The following PACRG variants were observed in gnomAD, a reference collection of about 807,000 sequenced individuals.
PACRG encodes the protein parkin coregulated.
A neutral mutation model predicts 29.7 loss-of-function variants in PACRG; 29 were observed. The ratio of observed to expected loss-of-function variants is 0.98; its 90% CI spans 0.73 to 1.33. PACRG has a LOEUF of 1.33. PACRG is among the 40% of genes most tolerant of loss of function. The probability of loss-of-function intolerance (pLI) is 0.00; values close to 1 mark genes in which losing one functional copy is unlikely to be tolerated. For synonymous variants in PACRG, 116 were observed against 118.7 expected (o/e 0.98, Z 0.15); for missense variants, 279 against 316.2 (o/e 0.88, Z 0.89).
At chr6:162,805,520 C>A (rs893687411) in intron 1 of PACRG, among the ~76,000 whole-genome samples, 1 of 152,074 alleles carries the variant, frequency 6.6e-6, no homozygotes, top group African/African-American at 2.4e-5. Context: ...TAAAATAAGA[C>A]AACAATGAAA....
rs868524303 is a variant in PACRG at position 162,787,594 on chromosome 6, A to G, written c.157-26553A>G. On this transcript the variant is annotated intron_variant, in intron 1 of 4. Coordinates refer to ENST00000366888, the MANE Select transcript of PACRG (RefSeq NM_001080379.2). The stretch of plus-strand genomic sequence containing the variant: ...TGTGTGTGTGTGTGTATATATATAT[A>G]TATATATATATATATATATATATAT... 4.8e-3 allele frequency among the ~76,000 whole-genome samples: 637 copies of G among 133,806 alleles called. 4 individuals carry two copies. Among genetic ancestry groups the G allele is most frequent in the Middle Eastern group, 0.011 (3 of 266 alleles). 87.8% of individuals were successfully genotyped at this position (133,806 alleles called of 152,430 possible).
At chr6:163,058,956 G>A (rs1329410255) in intron 2 of PACRG, among the ~76,000 whole-genome samples, 2 of 151,918 alleles carry the variant, frequency 1.3e-5, no homozygotes, top group South Asian at 4.2e-4. Flanking sequence ...GTGCGTGCCT[G>A]TAATCCCAGC....
At chr6:163,220,215 T>TG in intron 4 of PACRG, among the ~76,000 whole-genome samples, 1 of 148,904 alleles carries the variant, frequency 6.7e-6, no homozygotes, top group Non-Finnish European at 1.5e-5. Context: ...AGGGCGGGGG[T>TG]GGGGGAGTGC....
intron 2 of PACRG, among the ~76,000 whole-genome samples, chr6:163,052,487 C>T (rs948990275): frequency 6.6e-6 from 1 of 152,034 alleles, no homozygotes; most frequent in African/African-American, 2.4e-5. Flanking sequence ...GTGCCCCCAC[C>T]CAAATCTCAT....
At chr6:163,205,143 A>C (rs1366773807) in intron 4 of PACRG, among the ~76,000 whole-genome samples, 1 of 152,254 alleles carries the variant, frequency 6.6e-6, no homozygotes, top group East Asian at 1.9e-4. Flanking sequence ...CATACTGCCC[A>C]AAGCAATTTA....
intron 2 of PACRG, among the ~76,000 whole-genome samples, chr6:162,844,213 A>T (rs1584517305): frequency 6.6e-6 from 1 of 151,612 alleles, no homozygotes; most frequent in African/African-American, 2.4e-5. Flanking sequence ...GCCGCCTTGC[A>T]GTTTGATCTC....
intron 2 of PACRG, among the ~76,000 whole-genome samples, chr6:163,054,682 C>A (rs892601878): frequency 1.3e-5 from 2 of 152,146 alleles, no homozygotes; most frequent in Non-Finnish European, 2.9e-5. Flanking sequence ...GAAACAGGGA[C>A]TCTCGCTAAG....
intron 4 of PACRG, among the ~76,000 whole-genome samples, chr6:163,249,968 T>C (rs542058174): frequency 1.3e-5 from 2 of 152,330 alleles, no homozygotes; most frequent in South Asian, 2.1e-4. Context: ...TCCTTGCCCA[T>C]TGTGGTTCCC....
chr6:163,227,427 T>C (rs1781850643), intron 4 of PACRG, among the ~76,000 whole-genome samples: 1 of 152,194 alleles, frequency 6.6e-6, no homozygotes, highest in African/African-American at 2.4e-5. Context: ...GGGGATTCCA[T>C]TTCAACACAA....
chr6:162,937,179 T>C (rs1798293207), intron 2 of PACRG, among the ~76,000 whole-genome samples: 1 of 152,204 alleles, frequency 6.6e-6, no homozygotes, highest in Admixed American at 6.5e-5. Flanking sequence ...CACTGTTCAA[T>C]AGAAATATAA....
chr6:163,164,182 A>C (rs368479019), intron 4 of PACRG, among the ~76,000 whole-genome samples: 1 of 152,358 alleles, frequency 6.6e-6, no homozygotes. Context: ...GGAGGAAAAA[A>C]TTAGGTCACA....
chr6:162,768,338 T>C (rs1782958054), intron 1 of PACRG, among the ~76,000 whole-genome samples: 2 of 152,108 alleles, frequency 1.3e-5, no homozygotes, highest in Non-Finnish European at 2.9e-5. Flanking sequence ...ATTATTGTTC[T>C]TTTTTTGATG....
At chr6:163,110,568 C>T (rs759927030) in intron 4 of PACRG, among the ~76,000 whole-genome samples, 12 of 152,184 alleles carry the variant, frequency 7.9e-5, no homozygotes, top group African/African-American at 1.9e-4. Context: ...CAATTTGCTT[C>T]GTTCTTGTCT....
chr6:162,728,643 G>A (rs1358736617), intron 1 of PACRG, among the ~76,000 whole-genome samples: 1 of 152,052 alleles, frequency 6.6e-6, no homozygotes, highest in Non-Finnish European at 1.5e-5. Flanking sequence ...TTTCTGGACC[G>A]CCCAAAATTA....
intron 4 of PACRG, chr6:163,100,829 A>G (rs951202130): frequency 9.1e-6 from 9 of 984,856 alleles, no homozygotes; most frequent in Non-Finnish European, 1.1e-5. Flanking sequence ...AATGCAATGG[A>G]CATATTCTCT....
intron 2 of PACRG, among the ~76,000 whole-genome samples, chr6:162,995,925 CT>C (rs1394487726): frequency 6.6e-6 from 1 of 152,122 alleles, no homozygotes; most frequent in African/African-American, 2.4e-5. Flanking sequence ...CTTCGTGATC[CT>C]GATTTCAATT....
At chr6:163,005,971 T>G (rs1255790194) in intron 2 of PACRG, among the ~76,000 whole-genome samples, 1 of 141,682 alleles carries the variant, frequency 7.1e-6, no homozygotes, top group Non-Finnish European at 1.5e-5. Flanking sequence ...TATAACATTG[T>G]TCATAACAGT....
intron 4 of PACRG, among the ~76,000 whole-genome samples, chr6:163,221,389 C>T (rs1781575743): frequency 6.6e-6 from 1 of 152,232 alleles, no homozygotes; most frequent in Admixed American, 6.5e-5. Context: ...GCCAAGCTCC[C>T]TGCAAACTTT....
intron 1 of PACRG, among the ~76,000 whole-genome samples, chr6:162,786,635 T>G (rs1784486994): frequency 6.6e-6 from 1 of 152,146 alleles, no homozygotes; most frequent in African/African-American, 2.4e-5. Context: ...AAAGGTCTGC[T>G]TTGGACTTCA....
Sources: allele counts gnomAD v4.1 joint callset (sites outside exome capture counted in the v4.1 genomes callset), GRCh38; gene constraint gnomAD v4.1.1; transcripts MANE v1.5; gene names NCBI Gene and HGNC (gene_info 2026-07-23, HGNC 2026-07-21).